PLD1: variants seen among roughly 807,000 people sequenced by gnomAD.
PLD1 encodes the protein phospholipase D1.
A neutral mutation model predicts 137.1 loss-of-function variants in PLD1; 112 were observed. The observed-to-expected ratio is 0.82, with a 90% confidence interval of 0.70 to 0.96. PLD1 has a LOEUF of 0.96. PLD1 is among the 40% of genes least tolerant of loss of function. PLD1 has a pLI of 0.00. For missense variants in PLD1, 1,321 were observed against 1,342.0 expected, an observed-to-expected ratio of 0.98 and a Z score of 0.24; for synonymous variants, 431 against 454.7, an observed-to-expected ratio of 0.95 and a Z score of 0.66.
At chr3:171,604,486 T>C (rs1015832834) in intron 26 of PLD1, among the ~76,000 whole-genome samples, 3 of 151,974 alleles carry the variant, frequency 2.0e-5, no homozygotes, top group Non-Finnish European at 2.9e-5. Context: ...CTGGAAGTCA[T>C]GAAGAAGAAC....
intron 1 of PLD1, among the ~76,000 whole-genome samples, chr3:171,785,264 T>C (rs1722964269): frequency 6.6e-6 from 1 of 152,258 alleles, no homozygotes; most frequent in Non-Finnish European, 1.5e-5. Context: ...GAGCCACATA[T>C]ATAATTTTAA....
At chr3:171,604,663 C>T (rs759282039) in intron 26 of PLD1, among the ~76,000 whole-genome samples, 1 of 152,190 alleles carries the variant, frequency 6.6e-6, no homozygotes, top group African/African-American at 2.4e-5. Flanking sequence ...ATAGACTTCA[C>T]AGGCAATGCA....
chr3:171,660,869 A>T (rs1007746705), intron 20 of PLD1, among the ~76,000 whole-genome samples: 1 of 152,106 alleles, frequency 6.6e-6, no homozygotes, highest in African/African-American at 2.4e-5. Flanking sequence ...TGGCCCCCTC[A>T]AAGTGCTGGG....
At chr3:171,671,818 A>T (rs1419110507) in intron 19 of PLD1, among the ~76,000 whole-genome samples, 1 of 152,136 alleles carries the variant, frequency 6.6e-6, no homozygotes, top group African/African-American at 2.4e-5. Flanking sequence ...AGTTATCAGC[A>T]TCTCACAGGT....
At chr3:171,671,356 T>G (rs528545827) in intron 19 of PLD1, among the ~76,000 whole-genome samples, 2 of 152,328 alleles carry the variant, frequency 1.3e-5, no homozygotes, top group Admixed American at 1.3e-4. Flanking sequence ...ACAGTTCCTA[T>G]GGTTCTTTGG....
At chr3:171,802,976 G>A (rs1396210646) in intron 1 of PLD1, among the ~76,000 whole-genome samples, 1 of 152,176 alleles carries the variant, frequency 6.6e-6, no homozygotes, top group Admixed American at 6.5e-5. Flanking sequence ...ACTCCCAAGG[G>A]AACTTACAAA....
chr3:171,690,960 TCTC>T (rs1256848008), intron 13 of PLD1, among the ~76,000 whole-genome samples: 2 of 152,216 alleles, frequency 1.3e-5, no homozygotes, highest in Admixed American at 6.5e-5. Context: ...ACTGTCTTTT[TCTC>T]CTTTCAATCA....
intron 1 of PLD1, among the ~76,000 whole-genome samples, chr3:171,798,809 C>CCA: frequency 6.6e-6 from 1 of 152,310 alleles, no homozygotes; most frequent in East Asian, 1.9e-4. Flanking sequence ...GAGAGCTAAG[C>CCA]CACACACAGG....
intron 1 of PLD1, among the ~76,000 whole-genome samples, chr3:171,747,351 A>G (rs1307047011): frequency 6.6e-6 from 1 of 152,154 alleles, no homozygotes; most frequent in Non-Finnish European, 1.5e-5. Flanking sequence ...CACTGATACA[A>G]AACAGTCGAT....
At chr3:171,610,196 A>G (rs1466387289) in intron 25 of PLD1, among the ~76,000 whole-genome samples, 1 of 152,198 alleles carries the variant, frequency 6.6e-6, no homozygotes, top group Non-Finnish European at 1.5e-5. Flanking sequence ...CCATTTTTTT[A>G]TATCAGCAAA....
chr3:171,777,851 C>A (rs1309450005), intron 1 of PLD1, among the ~76,000 whole-genome samples: 1 of 152,190 alleles, frequency 6.6e-6, no homozygotes, highest in Non-Finnish European at 1.5e-5. Context: ...GCCGCAAATC[C>A]ATTAGGCAAC....
At chr3:171,610,817 CAAGTAGTAACA>C (rs746357786) in intron 25 of PLD1, among the ~76,000 whole-genome samples, 238 of 152,220 alleles carry the variant, frequency 1.6e-3, no homozygotes, top group Non-Finnish European at 2.6e-3. Context: ...ACTGGCAAAT[CAAGTAGTAACA>C]AAGGCAATAA....
Position 171,642,887 on chromosome 3 carries a change from G to C in PLD1, c.2546C>G (p.Thr849Ser). The change falls in exon 23 of 27, where the codon ACC (threonine) becomes AGC (serine). Residue 849 changes from threonine to serine, a missense_variant and splice_region_variant. By Grantham distance (58) the Thr-to-Ser change is moderately conservative (BLOSUM62 1). Transcript: ENST00000351298. The stretch of plus-strand genomic sequence containing the variant: ...GATGGAATTTTCTCCTCTGCACATG[G>C]TTCTGAAAATATGTAAAGGAGAAAA... ...LQAIMHFNYR[T>S]MCRGENSILG... is the part of the protein sequence containing the mutation. The C allele has an allele frequency of 6.4e-7, 1 of 1,570,272 alleles. No individual in the cohort carries two copies. Among genetic ancestry groups the C allele is most frequent in the Non-Finnish European group, 8.7e-7 (1 of 1,145,582 alleles).
In PLD1 at chr3:171,614,423, A is replaced by T. The variant is rs147139962; in HGVS notation, c.2729-1991T>A. Among the ~76,000 whole-genome samples the T allele has an allele frequency of 2.4e-4, 37 of 152,366 alleles. 2 individuals carry two copies. The East Asian group carries it at 7.1e-3, about 29-fold the overall frequency. ...AATATAATCTTTCATAAATTGAGAT[A>T]ATAATATAGACCTTGTAGGGATATT... On this transcript the variant is annotated intron_variant, in intron 24 of 26. Coordinates refer to ENST00000351298, the MANE Select transcript of PLD1 (RefSeq NM_002662.5).
chr3:171,753,015 C>T (rs1448101124), intron 1 of PLD1, among the ~76,000 whole-genome samples: 2 of 152,186 alleles, frequency 1.3e-5, no homozygotes, highest in Non-Finnish European at 2.9e-5. Context: ...ACTCACACCT[C>T]TGTTGCACTC....
At chr3:171,777,844 G>A (rs923230731) in intron 1 of PLD1, among the ~76,000 whole-genome samples, 5 of 152,070 alleles carry the variant, frequency 3.3e-5, no homozygotes, top group African/African-American at 1.2e-4. Context: ...ATCAGCAGCC[G>A]CAAATCCATT....
chr3:171,766,431 A>G (rs909451040), intron 1 of PLD1, among the ~76,000 whole-genome samples: 2 of 152,200 alleles, frequency 1.3e-5, no homozygotes, highest in Non-Finnish European at 2.9e-5. Context: ...TAAGGTGATC[A>G]TCCGTTCTAT....
chr3:171,696,894 G>T (rs1315148048), intron 12 of PLD1, among the ~76,000 whole-genome samples: 1 of 152,192 alleles, frequency 6.6e-6, no homozygotes, highest in South Asian at 2.1e-4. Context: ...GGATGAAATG[G>T]AAATGAAGCA....
chr3:171,790,252 G>C (rs1324954770), intron 1 of PLD1, among the ~76,000 whole-genome samples: 1 of 152,190 alleles, frequency 6.6e-6, no homozygotes, highest in Non-Finnish European at 1.5e-5. Flanking sequence ...CTACCTGCCT[G>C]ACTGGTTGCC....
Sources: gnomAD v4.1 joint callset for allele counts (sites outside exome capture counted in the v4.1 genomes callset) on GRCh38, gnomAD v4.1.1 for gene constraint, MANE v1.5 for transcripts, NCBI Gene and HGNC (gene_info 2026-07-23, HGNC 2026-07-21) for gene names.